Variants in VWA2 observed in about 807,000 individuals in gnomAD.
The protein encoded by VWA2 is von Willebrand factor A domain containing 2, also known as von Willebrand factor A domain-containing protein 2.
A neutral mutation model predicts 70.4 loss-of-function variants in VWA2; 73 were observed. That is an observed-to-expected ratio of 1.04 (90% CI 0.86 to 1.26). The LOEUF (loss-of-function observed/expected upper bound fraction) is 1.26, where lower values mean the gene tolerates loss of function less well. Ranked by LOEUF, VWA2 falls within the 50% of genes most tolerant of loss-of-function variation. VWA2 has a pLI of 0.00. For missense variants in VWA2, 1,011 were observed against 998.5 expected, an observed-to-expected ratio of 1.01 and a Z score of -0.17; for synonymous variants, 407 against 423.3, an observed-to-expected ratio of 0.96 and a Z score of 0.47.
At chr10:114,281,840 G>A in intron 8 of VWA2, 6 of 776,780 alleles carry the variant, frequency 7.7e-6, no homozygotes, top group Non-Finnish European at 7.8e-6. Flanking sequence ...GACCAGAGGA[G>A]GAAAGTAACA....
At chr10:114,251,764 G>A (rs1309090978) in intron 2 of VWA2, among the ~76,000 whole-genome samples, 21 of 152,000 alleles carry the variant, frequency 1.4e-4, no homozygotes, top group Admixed American at 1.2e-3. Flanking sequence ...GGGCCGCAGT[G>A]GGCCCAGGAG....
chr10:114,246,874 C>G (rs2037083808), intron 1 of VWA2, among the ~76,000 whole-genome samples: 1 of 152,156 alleles, frequency 6.6e-6, no homozygotes, highest in Admixed American at 6.5e-5. Context: ...CTGAACCTCC[C>G]TATTCAGAAA....
Position 114,277,981 on chromosome 10 carries a change from G to T in VWA2, c.634G>T (p.Glu212Ter). 1 of 1,613,288 alleles carries T rather than the reference G, an allele frequency of 6.2e-7. No individual in the cohort carries two copies. The highest frequency in any genetic ancestry group is 8.5e-7 in the Non-Finnish European group (1 of 1,179,794). The change falls in exon 7 of 14, where the codon GAG becomes TAG. Residue 212 changes from glutamate to a stop codon, truncating the protein, a stop_gained. Coordinates refer to ENST00000392982, the MANE Select transcript of VWA2 (RefSeq NM_001272046.2). LOFTEE classifies it high-confidence loss of function. ...GCACGTGCTGTTGGCTGAGCAGGTGGAGGATGCCACCAACGGCCTCTTCAG... is the reference window on the plus strand; with the variant it reads ...GCACGTGCTGTTGGCTGAGCAGGTGTAGGATGCCACCAACGGCCTCTTCAG... ...GQHVLLAEQVEDATNGLFSTL... is the reference protein window; with the variant it reads ...GQHVLLAEQV
chr10:114,239,612 C>T (rs2036939117), intron 1 of VWA2, 43 bp downstream of exon 1: 2 of 152,324 alleles, frequency 1.3e-5, no homozygotes, highest in Admixed American at 1.3e-4. Flanking sequence ...CGGGTACCCG[C>T]CAGTGCCGGC....
At position 114,245,292 on chromosome 10, in the gene VWA2, C is replaced by T. The variant is rs142043742; in HGVS notation, c.-10-3412C>T. Among the ~76,000 whole-genome samples the T allele has an allele frequency of 6.1e-3, 930 of 152,256 alleles. 8 individuals carry two copies. The highest frequency in any genetic ancestry group is 0.021 in the African/African-American group (889 of 41,532). On this transcript the variant is annotated intron_variant, in intron 1 of 13. Transcript: ENST00000392982. ...AGCTGCTTAAGTTGGTCTCATAGCA[C>T]GGAGGGAAGGGGACTGTGTTTACTG...
At chr10:114,277,879 A>G in intron 6 of VWA2, 35 bp from the exon 7 acceptor site, 1 of 1,582,030 alleles carries the variant, frequency 6.3e-7, no homozygotes. Flanking sequence ...GAGGGTGGGT[A>G]TAGGACCACA....
At chr10:114,245,851 C>A (rs1362759740) in intron 1 of VWA2, among the ~76,000 whole-genome samples, 1 of 152,210 alleles carries the variant, frequency 6.6e-6, no homozygotes, top group Non-Finnish European at 1.5e-5. Context: ...CGAAGACTCT[C>A]AGCTGGCAGG....
At chr10:114,278,441 A>T (rs2037902968) in intron 7 of VWA2, among the ~76,000 whole-genome samples, 1 of 152,188 alleles carries the variant, frequency 6.6e-6, no homozygotes, top group Non-Finnish European at 1.5e-5. Context: ...AGCCACATTG[A>T]TGACGTTATG....
In VWA2 at chr10:114,261,299, T is replaced by A. The variant is rs1019426700; in HGVS notation, c.371+4T>A. 3 of 1,611,944 alleles carry A rather than the reference T, an allele frequency of 1.9e-6. No homozygotes were observed. The highest frequency in any genetic ancestry group is 1.7e-6 in the Non-Finnish European group (2 of 1,178,124). The stretch of plus-strand genomic sequence containing the variant: ...GAATCAAGAGGATGGTTTTCAAGTA[T>A]GTATGATCAGATACTGCTGTGGTTA... On this transcript the variant is annotated splice_donor_region_variant and intron_variant, in intron 5 of 13. Coordinates refer to ENST00000392982, the MANE Select transcript of VWA2 (RefSeq NM_001272046.2).
chr10:114,248,893 C>T, intron 2 of VWA2, 128 bp downstream of exon 2: 3 of 865,108 alleles, frequency 3.5e-6, no homozygotes, highest in Non-Finnish European at 5.8e-6. Flanking sequence ...TCCATGGCCA[C>T]CTCCCTAGTC....
At chr10:114,284,800 G>A (rs1305864070) in intron 9 of VWA2, 63 bp from the exon 10 acceptor site, 1 of 1,492,306 alleles carries the variant, frequency 6.7e-7, no homozygotes, top group Non-Finnish European at 9.0e-7. Context: ...CCACACCTCT[G>A]GCCAGTCCTC....
chr10:114,272,144 T>G (rs1311661153), intron 5 of VWA2, among the ~76,000 whole-genome samples: 1 of 152,166 alleles, frequency 6.6e-6, no homozygotes, highest in African/African-American at 2.4e-5. Flanking sequence ...CCACAGCAAA[T>G]AGAGGACCAT....
chr10:114,262,575 G>A (rs1430293100), intron 5 of VWA2, among the ~76,000 whole-genome samples: 1 of 152,048 alleles, frequency 6.6e-6, no homozygotes, highest in Non-Finnish European at 1.5e-5. Flanking sequence ...CCATTGCAAA[G>A]GCTCTGAGCT....
Position 114,254,898 on chromosome 10 carries a change from T to G in VWA2, c.128-17T>G, listed in dbSNP as rs1564716099. On this transcript the variant is annotated splice_polypyrimidine_tract_variant and intron_variant, in intron 3 of 13. Transcript: ENST00000392982. ...GACTTGCTCCTGGTTGTCATCTGTC[T>G]GTCCCGCTCTCCCTAGTGATGTGGT... 6.2e-7 allele frequency: 1 copy of G among 1,608,252 alleles called. No homozygotes were observed. The highest frequency in any genetic ancestry group is 1.1e-5 in the South Asian group (1 of 90,922).
intron 1 of VWA2, chr10:114,246,236 C>G: frequency 1.1e-6 from 1 of 897,678 alleles, no homozygotes; most frequent in South Asian, 1.3e-5. Flanking sequence ...CATGGTGGCT[C>G]ACGCCTGTAA....
intron 9 of VWA2, among the ~76,000 whole-genome samples, chr10:114,284,312 C>T (rs979871912): frequency 2.0e-5 from 3 of 152,106 alleles, no homozygotes; most frequent in Non-Finnish European, 4.4e-5. Flanking sequence ...TCATTTAATC[C>T]TCACAATAAC....
intron 5 of VWA2, 133 bp from the exon 6 acceptor site, chr10:114,272,607 A>T: frequency 1.3e-6 from 1 of 761,984 alleles, no homozygotes; most frequent in Non-Finnish European, 2.1e-6. Context: ...TAGAACTATC[A>T]CTTTCAGCCT....
intron 6 of VWA2, among the ~76,000 whole-genome samples, chr10:114,276,661 C>T (rs916534564): frequency 3.3e-5 from 5 of 150,370 alleles, no homozygotes; most frequent in Non-Finnish European, 7.4e-5. Context: ...ATGTCTGCCA[C>T]GACACCCAGC....
At chr10:114,256,648 C>T (rs1453166895) in intron 4 of VWA2, among the ~76,000 whole-genome samples, 1 of 152,130 alleles carries the variant, frequency 6.6e-6, no homozygotes, top group Non-Finnish European at 1.5e-5. Flanking sequence ...CGGTGGGTCA[C>T]GCCTGTAATC....
Sources: allele counts gnomAD v4.1 joint callset (sites outside exome capture counted in the v4.1 genomes callset), GRCh38; gene constraint gnomAD v4.1.1; transcripts MANE v1.5; gene names NCBI Gene and HGNC (gene_info 2026-07-23, HGNC 2026-07-21).